Variants in LRTM2 observed in about 807,000 individuals in gnomAD.
LRTM2 encodes leucine-rich repeat and transmembrane domain-containing protein 2.
A neutral mutation model predicts 28.1 loss-of-function variants in LRTM2; 18 were observed. That is an observed-to-expected ratio of 0.64 (90% CI 0.44 to 0.95). The LOEUF (loss-of-function observed/expected upper bound fraction) is 0.95, where lower values mean the gene tolerates loss of function less well. Among genes scored for constraint, LRTM2 ranks in the 40% least tolerant of loss-of-function variants. The pLI is 0.00. For synonymous variants in LRTM2, 250 were observed against 218.7 expected, an observed-to-expected ratio of 1.14 and a Z score of -1.26; for missense variants, 436 against 497.2, an observed-to-expected ratio of 0.88 and a Z score of 1.17.
In LRTM2 at chr12:1,828,283, C is replaced by A. The variant is rs995839050; in HGVS notation, c.67+68C>A. Reference sequence around the variant, plus strand: ...GGGGTGCCGAGGTGACTGTAGGTAGCGCCATATGGGACCTTAGCCACACTC... The same window carrying A: ...GGGGTGCCGAGGTGACTGTAGGTAGAGCCATATGGGACCTTAGCCACACTC... On this transcript the variant is annotated intron_variant, in intron 3 of 4. Coordinates refer to ENST00000299194, the MANE Select transcript of LRTM2 (RefSeq NM_001039029.3). This position sits in a 1 kb window ranked among gnomAD's most constrained non-coding sequence, Gnocchi z 4.2. 2 of 1,358,580 alleles carry A rather than the reference C, an allele frequency of 1.5e-6. No homozygotes were observed. Among genetic ancestry groups the A allele is most frequent in the South Asian group, 2.8e-5 (2 of 71,714 alleles). The allele number at this position is 1,358,580 out of a possible 1,614,324, so 84.2% of individuals were successfully genotyped here. A position where few individuals can be genotyped will look rare whatever the true frequency, so the allele number is the denominator to read the frequency against.
At chr12:1,821,449 C>T (rs1397417477) in intron 1 of LRTM2, among the ~76,000 whole-genome samples, 1 of 152,190 alleles carries the variant, frequency 6.6e-6, no homozygotes, top group African/African-American at 2.4e-5. Flanking sequence ...GAGGGTGAGG[C>T]TGGGAGTGGG....
Position 1,834,720 on chromosome 12 carries a change from G to T in LRTM2, c.1112G>T (p.Ter371LeuextTer116). 6.3e-7 allele frequency: 1 copy of T among 1,585,632 alleles called. No homozygotes were observed. ...CAGAAGCAGATCTCTTCTGTGGCCT[G>T]AGCGCCCATCCCCACCCGGCCAGGT... is the stretch of plus-strand genomic sequence containing the variant. ...EDQKQISSVA[*>L] The change falls in exon 5 of 5, where the codon TGA becomes TTA. Residue 371 changes from the stop codon to leucine (L), a stop_lost. Coordinates refer to ENST00000299194, the MANE Select transcript of LRTM2 (RefSeq NM_001039029.3). The surrounding 1 kb of genome is among the most constrained non-coding windows in gnomAD (Gnocchi z 7.6).
chr12:1,834,537 C>T lies in LRTM2; in HGVS notation c.929C>T (p.Thr310Met), dbSNP rs368068620. ...RPASVRRAMGTVIIAGVVCGV... is the reference protein window; with the variant it reads ...RPASVRRAMGMVIIAGVVCGV... ...GCGAGCGTGAGGCGAGCCATGGGCA[C>T]GGTGATCATTGCAGGGGTCGTGTGC... Residue 310 changes from threonine to methionine, a missense_variant, in exon 5 of 5, where the codon ACG becomes ATG. Thr to Met is a moderately conservative substitution (Grantham distance 81). Transcript: ENST00000299194. The surrounding 1 kb of genome is among the most constrained non-coding windows in gnomAD (Gnocchi z 7.6). The T allele has an allele frequency of 2.5e-6, 4 of 1,604,624 alleles. No individual in the cohort carries two copies. The highest frequency in any genetic ancestry group is 3.4e-6 in the Non-Finnish European group (4 of 1,179,924).
Position 1,820,863 on chromosome 12 carries a change from G to C in LRTM2, c.-259+49G>C, listed in dbSNP as rs1054499516. The C allele has an allele frequency of 6.6e-6, 1 of 152,322 alleles. No individual in the cohort carries two copies. The highest frequency in any genetic ancestry group is 3.2e-3 in the Middle Eastern group (1 of 316). 9.4% of individuals were successfully genotyped at this position (152,322 alleles called of 1,614,324 possible). A position where few individuals can be genotyped will look rare whatever the true frequency, so the allele number is the denominator to read the frequency against. ...AAGGAATGGAGGGTTGGTGGGGACA[G>C]GGGGTGGTCGGGGCATGGGAAGTGG... On this transcript the variant is annotated intron_variant, in intron 1 of 4. Coordinates refer to ENST00000299194, the MANE Select transcript of LRTM2 (RefSeq NM_001039029.3). The surrounding 1 kb of genome is among the most constrained non-coding windows in gnomAD (Gnocchi z 6.0).
chr12:1,827,993 A>G (rs1864424657), intron 2 of LRTM2, 83 bp from the exon 3 acceptor site: 2 of 527,678 alleles, frequency 3.8e-6, no homozygotes, highest in East Asian at 3.3e-5. Context: ...GAGTGTAAAG[A>G]GACACCCGGG....
chr12:1,832,422 C>T (rs1864675715), intron 4 of LRTM2, among the ~76,000 whole-genome samples: 3 of 152,328 alleles, frequency 2.0e-5, no homozygotes, highest in South Asian at 2.1e-4. Flanking sequence ...TCCATTTATC[C>T]GTTCACTTCC....
rs769511570 is a variant in LRTM2 at position 1,834,568 on chromosome 12, C to T, written c.960C>T (p.Val320=). ...TVIIAGVVCG[V]VCIMMVVAAA... Reference sequence around the variant, plus strand: ...TCATTGCAGGGGTCGTGTGCGGCGTCGTCTGCATCATGATGGTGGTGGCCG... The same window carrying T: ...TCATTGCAGGGGTCGTGTGCGGCGTTGTCTGCATCATGATGGTGGTGGCCG... The change falls in exon 5 of 5, where the codon GTC becomes GTT. Residue 320 remains valine (V), a synonymous_variant. Coordinates refer to ENST00000299194, the MANE Select transcript of LRTM2 (RefSeq NM_001039029.3). The surrounding 1 kb of genome is among the most constrained non-coding windows in gnomAD (Gnocchi z 7.6). 1.6e-5 allele frequency: 26 copies of T among 1,601,552 alleles called. No homozygotes were observed. The East Asian group carries it at 1.8e-4, about 11-fold the overall frequency.
At chr12:1,830,896 C>T in intron 3 of LRTM2, 39 bp from the exon 4 acceptor site, 3 of 1,526,422 alleles carry the variant, frequency 2.0e-6, no homozygotes, top group South Asian at 2.5e-5. Context: ...GGTGACCCGT[C>T]CTATTGCTTT....
chr12:1,823,526 C>A (rs1425762008), intron 1 of LRTM2, among the ~76,000 whole-genome samples: 1 of 152,182 alleles, frequency 6.6e-6, no homozygotes, highest in Admixed American at 6.5e-5. Flanking sequence ...CATGTGGAAC[C>A]CCCTGCTCCT....
chr12:1,834,605 T>G lies in LRTM2; in HGVS notation c.997T>G (p.Cys333Gly), dbSNP rs765496607. 6.2e-7 allele frequency: 1 copy of G among 1,600,078 alleles called. No individual in the cohort carries two copies. The highest frequency in any genetic ancestry group is 8.5e-7 in the Non-Finnish European group (1 of 1,179,900). ...IMMVVAAAYG[C>G]IYASLMAKYH... is the part of the protein sequence containing the mutation. ...GATGGTGGTGGCCGCTGCCTATGGC[T>G]GCATCTACGCCTCCCTCATGGCCAA... Residue 333 changes from cysteine (C) to glycine (G), a missense_variant, in exon 5 of 5, where the codon TGC becomes GGC. By Grantham distance (159) the Cys-to-Gly change is radical. Coordinates refer to ENST00000299194, the MANE Select transcript of LRTM2 (RefSeq NM_001039029.3). This position sits in a 1 kb window ranked among gnomAD's most constrained non-coding sequence, Gnocchi z 7.6.
chr12:1,826,410 C>A (rs11831740), intron 1 of LRTM2, among the ~76,000 whole-genome samples: 3 of 79,322 alleles, frequency 3.8e-5, no homozygotes, highest in South Asian at 5.1e-4. Flanking sequence ...GCCCCCCCCC[C>A]CCCCCCGCCA....
chr12:1,833,065 G>A lies in LRTM2; in HGVS notation c.659-1202G>A, dbSNP rs576787147. 1.4e-4 allele frequency among the ~76,000 whole-genome samples: 21 copies of A among 152,244 alleles called. No homozygotes were observed. The highest frequency in any genetic ancestry group is 3.4e-4 in the African/African-American group (14 of 41,542). On this transcript the variant is annotated intron_variant, in intron 4 of 4. Coordinates refer to ENST00000299194, the MANE Select transcript of LRTM2 (RefSeq NM_001039029.3). The surrounding 1 kb of genome is among the most constrained non-coding windows in gnomAD (Gnocchi z 4.2). ...CAGACCCTCCTCTCCTGTGGTCGCC[G>A]GGAACTGAATTCCCAGCACAAAAAT...
Position 1,831,131 on chromosome 12 carries a change from C to A in LRTM2, c.264C>A (p.Phe88Leu). The change falls in exon 4 of 5, where the codon TTC (phenylalanine) becomes TTA (leucine). Residue 88 changes from phenylalanine to leucine, a missense_variant. By Grantham distance (22) the Phe-to-Leu change is conservative. Coordinates refer to ENST00000299194, the MANE Select transcript of LRTM2 (RefSeq NM_001039029.3). The part of the protein sequence containing the change: ...NKLSALPSWA[F>L]ANLSSLQRLD... ...TGAGTGCCCTGCCAAGCTGGGCTTT[C>A]GCCAACCTCTCCAGCCTGCAGCGGT... is the stretch of plus-strand genomic sequence containing the variant. The A allele has an allele frequency of 6.2e-7, 1 of 1,613,994 alleles. No individual in the cohort carries two copies. Among genetic ancestry groups the A allele is most frequent in the Non-Finnish European group, 8.5e-7 (1 of 1,180,036 alleles).
rs777477594 is a variant in LRTM2, at chr12:1,834,676, C to T, written c.1068C>T (p.Pro356=). 2.0e-5 allele frequency: 32 copies of T among 1,601,652 alleles called. No individual in the cohort carries two copies. In the Admixed American group the frequency reaches 2.5e-4, roughly 13 times the overall value. ...AGCGCCAGCCCCTGATGGGGGACCC[C>T]GAGGGCGAGCACGAGGACCAGAAGC... ...LKKRQPLMGD[P]EGEHEDQKQI... Residue 356 remains proline, a synonymous_variant, in exon 5 of 5, where the codon CCC becomes CCT. Coordinates refer to ENST00000299194, the MANE Select transcript of LRTM2 (RefSeq NM_001039029.3). The surrounding 1 kb of genome is among the most constrained non-coding windows in gnomAD (Gnocchi z 7.6).
intron 1 of LRTM2, 132 bp from the exon 2 acceptor site, chr12:1,827,278 G>A (rs71457824): frequency 1.3e-5 from 2 of 152,104 alleles, no homozygotes; most frequent in Non-Finnish European, 2.9e-5. Context: ...GAGACACTGG[G>A]GGGGGCAGAC....
At chr12:1,826,797 G>A (rs60072629) in intron 1 of LRTM2, among the ~76,000 whole-genome samples, 20,638 of 152,264 alleles carry the variant, frequency 0.14, 1,752 homozygotes, top group Admixed American at 0.21. Context: ...GGACCAGAGG[G>A]GAGAAGATGG....
rs182828421 is a variant in LRTM2 at position 1,828,775 on chromosome 12, C to T, written c.67+560C>T. Among the ~76,000 whole-genome samples, 39 of 152,288 alleles carry T rather than the reference C, an allele frequency of 2.6e-4. No homozygotes were observed. The East Asian group carries it at 6.4e-3, about 25-fold the overall frequency. On this transcript the variant is annotated intron_variant, in intron 3 of 4. Transcript: ENST00000299194. This position sits in a 1 kb window ranked among gnomAD's most constrained non-coding sequence, Gnocchi z 4.2. ...AAGAGACTTTGGGGAGTGGGTCCAA[C>T]CCCTCCTGCATATAGGCAGACTGAG... is the stretch of plus-strand genomic sequence containing the variant.
chr12:1,822,018 G>C (rs1009152457), intron 1 of LRTM2: 1 of 152,066 alleles, frequency 6.6e-6, no homozygotes, highest in African/African-American at 2.4e-5. Context: ...AGGGAAACCC[G>C]ACAGCAGCTT....
rs1002991574 is a variant in LRTM2 at position 1,831,596 on chromosome 12, G to C, written c.658+71G>C. The C allele has an allele frequency of 2.3e-6, 3 of 1,305,374 alleles. No homozygotes were observed. The African/African-American group carries it at 4.4e-5, about 19-fold the overall frequency. 80.9% of individuals were successfully genotyped at this position (1,305,374 alleles called of 1,614,324 possible). ...ACCTCTGGCCCCACACTTTCCTCCTGGTGGCTGGGTGCTGACTCAGAGAGC... is the reference window on the plus strand; with the variant it reads ...ACCTCTGGCCCCACACTTTCCTCCTCGTGGCTGGGTGCTGACTCAGAGAGC... On this transcript the variant is annotated intron_variant, in intron 4 of 4. Transcript: ENST00000299194.
Sources: gnomAD v4.1 joint callset for allele counts (sites outside exome capture counted in the v4.1 genomes callset) on GRCh38, gnomAD v4.1.1 for gene constraint, Gnocchi (gnomAD v3.1) non-coding constraint, MANE v1.5 for transcripts, NCBI Gene and HGNC (gene_info 2026-07-23, HGNC 2026-07-21) for gene names.